The following ADAMTSL3 variants were observed in gnomAD, a reference collection of about 807,000 sequenced individuals.
The protein encoded by ADAMTSL3 is ADAMTS like 3, also known as ADAMTS-like protein 3.
A neutral mutation model predicts 201.7 loss-of-function variants in ADAMTSL3; 128 were observed. That is an observed-to-expected ratio of 0.63 (90% CI 0.55 to 0.73). The LOEUF (loss-of-function observed/expected upper bound fraction) is 0.73, where lower values mean the gene tolerates loss of function less well. ADAMTSL3 is among the 30% of genes least tolerant of loss of function. The probability of loss-of-function intolerance (pLI) is 0.00; values close to 1 mark genes in which losing one functional copy is unlikely to be tolerated. For synonymous variants in ADAMTSL3, 738 were observed against 748.4 expected, an observed-to-expected ratio of 0.99 and a Z score of 0.23; for missense variants, 1,990 against 2,119.6, an observed-to-expected ratio of 0.94 and a Z score of 1.20.
At chr15:83,969,385 A>C (rs561318895) in intron 19 of ADAMTSL3, among the ~76,000 whole-genome samples, 1 of 152,342 alleles carries the variant, frequency 6.6e-6, no homozygotes, top group South Asian at 2.1e-4. Context: ...CAGAGATTCC[A>C]GTGAGCTGAG....
intron 2 of ADAMTSL3, among the ~76,000 whole-genome samples, chr15:83,663,162 G>A (rs1181461628): frequency 6.6e-6 from 1 of 152,134 alleles, no homozygotes; most frequent in African/African-American, 2.4e-5. Context: ...CTTCAATGCT[G>A]CCTCCTCTCT....
chr15:83,782,002 A>G (rs2063177454), intron 4 of ADAMTSL3, among the ~76,000 whole-genome samples: 1 of 152,200 alleles, frequency 6.6e-6, no homozygotes, highest in African/African-American at 2.4e-5. Context: ...TTTGTGGAAG[A>G]CAGTGTAGTG....
Position 83,983,224 on chromosome 15 carries a change from GA to G in ADAMTSL3, c.3599del (p.Asn1200IlefsTer39), listed in dbSNP as rs1267026816. Reference sequence around the variant, plus strand: ...AATAAAACAATAAATTCCAGGATTGGAAATACAGTATACATTACAAAAAGGA... The same window carrying G: ...AATAAAACAATAAATTCCAGGATTGGAATACAGTATACATTACAAAAAGGA... ...SFNKTINSRI[G>X]NTVYITKRTE... On this transcript the variant is annotated frameshift_variant, in exon 21 of 30. Coordinates refer to ENST00000286744, the MANE Select transcript of ADAMTSL3 (RefSeq NM_207517.3). LOFTEE classifies it high-confidence loss of function. 1 of 1,614,000 alleles carries G rather than the reference GA, an allele frequency of 6.2e-7. No homozygotes were observed. Among genetic ancestry groups the G allele is most frequent in the East Asian group, 2.2e-5 (1 of 44,888 alleles).
intron 23 of ADAMTSL3, among the ~76,000 whole-genome samples, chr15:84,011,388 A>T (rs2068003427): frequency 6.6e-6 from 1 of 152,232 alleles, no homozygotes; most frequent in Non-Finnish European, 1.5e-5. Context: ...GTCTTAGACC[A>T]CTGGGGCTGC....
At chr15:83,669,248 C>A (rs983597445) in intron 2 of ADAMTSL3, among the ~76,000 whole-genome samples, 1 of 152,070 alleles carries the variant, frequency 6.6e-6, no homozygotes, top group African/African-American at 2.4e-5. Flanking sequence ...TGGGTTCAAG[C>A]GATTCTCCTG....
At chr15:83,948,839 C>T (rs2066707154) in intron 19 of ADAMTSL3, among the ~76,000 whole-genome samples, 1 of 151,872 alleles carries the variant, frequency 6.6e-6, no homozygotes, top group South Asian at 2.1e-4. Flanking sequence ...AATCACTAGG[C>T]AGATAACAAT....
intron 7 of ADAMTSL3, among the ~76,000 whole-genome samples, chr15:83,858,199 G>A (rs1210687416): frequency 6.6e-6 from 1 of 152,186 alleles, no homozygotes; most frequent in South Asian, 2.1e-4. Flanking sequence ...TTTGGCCCAG[G>A]GGCCACAGTT....
At chr15:84,013,331 A>G (rs1462427986) in intron 23 of ADAMTSL3, among the ~76,000 whole-genome samples, 3 of 152,244 alleles carry the variant, frequency 2.0e-5, no homozygotes, top group South Asian at 2.1e-4. Context: ...CATTTTGCCT[A>G]CTGTAAGGTG....
chr15:83,921,486 T>C (rs2066141990), intron 16 of ADAMTSL3, among the ~76,000 whole-genome samples: 1 of 152,162 alleles, frequency 6.6e-6, no homozygotes, highest in Non-Finnish European at 1.5e-5. Flanking sequence ...TTAAAAAATC[T>C]CTCCTGGTAT....
intron 10 of ADAMTSL3, 110 bp downstream of exon 10, chr15:83,885,322 A>G (rs889920004): frequency 3.7e-6 from 3 of 806,296 alleles, no homozygotes; most frequent in Non-Finnish European, 6.2e-6. Flanking sequence ...GAGATGTCTC[A>G]TCACACAGCA....
intron 9 of ADAMTSL3, among the ~76,000 whole-genome samples, chr15:83,875,405 G>A (rs990342546): frequency 6.6e-6 from 1 of 152,306 alleles, no homozygotes; most frequent in East Asian, 1.9e-4. Context: ...GGGGCTGTTG[G>A]CCAGTGACAC....
chr15:84,036,764 T>C lies in ADAMTSL3; in HGVS notation c.4755-9T>C. 1 of 1,589,094 alleles carries C rather than the reference T, an allele frequency of 6.3e-7. No homozygotes were observed. The highest frequency in any genetic ancestry group is 1.9e-5 in the Admixed American group (1 of 54,046). On this transcript the variant is annotated splice_polypyrimidine_tract_variant and intron_variant, in intron 28 of 29. Coordinates refer to ENST00000286744, the MANE Select transcript of ADAMTSL3 (RefSeq NM_207517.3). ...TTGTTTTTCCGTTTTGTTTTATTTT[T>C]CACTTCAGACCCACCTTAAGAAGGA...
chr15:83,719,501 C>T (rs1304658057), intron 3 of ADAMTSL3, among the ~76,000 whole-genome samples: 1 of 152,164 alleles, frequency 6.6e-6, no homozygotes, highest in African/African-American at 2.4e-5. Flanking sequence ...ATTTTGTTGT[C>T]AACTCCTAAT....
intron 22 of ADAMTSL3, among the ~76,000 whole-genome samples, 188 bp downstream of exon 22, chr15:83,989,006 C>T (rs1484333389): frequency 4.6e-5 from 7 of 151,714 alleles, no homozygotes; most frequent in South Asian, 2.1e-4. Flanking sequence ...CTCAGCCTCC[C>T]GAGTAGCTGG....
At chr15:83,844,240 A>G (rs2064447481) in intron 7 of ADAMTSL3, among the ~76,000 whole-genome samples, 1 of 152,222 alleles carries the variant, frequency 6.6e-6, no homozygotes, top group Non-Finnish European at 1.5e-5. Context: ...TTTTGGCAGT[A>G]TGAAGATAAA....
At chr15:83,725,725 C>T (rs1040402623) in intron 3 of ADAMTSL3, among the ~76,000 whole-genome samples, 2 of 152,022 alleles carry the variant, frequency 1.3e-5, no homozygotes, top group Non-Finnish European at 2.9e-5. Context: ...GCATTTATAT[C>T]TGGGTTCTCT....
chr15:83,893,127 C>T lies in ADAMTSL3; in HGVS notation c.1467+239C>T, dbSNP rs899927. Among the ~76,000 whole-genome samples the T allele has an allele frequency of 0.47, 70,945 of 151,864 alleles. 19,068 individuals carry two copies. Among genetic ancestry groups the T allele is most frequent in the African/African-American group, 0.72 (29,734 of 41,406 alleles). ...TAATAATAATATTTCCATACAATTACCAGCGTAATTAATATTAAGTACTGT... is the reference window on the plus strand; with the variant it reads ...TAATAATAATATTTCCATACAATTATCAGCGTAATTAATATTAAGTACTGT... On this transcript the variant is annotated intron_variant, in intron 13 of 29. Coordinates refer to ENST00000286744, the MANE Select transcript of ADAMTSL3 (RefSeq NM_207517.3).
chr15:84,031,584 G>GTA, intron 28 of ADAMTSL3, 152 bp downstream of exon 28: 1 of 648,794 alleles, frequency 1.5e-6, no homozygotes, highest in South Asian at 1.9e-5. Flanking sequence ...ATCTTCAATA[G>GTA]TATATATTAT....
At chr15:83,714,663 T>TCCTC (rs552621265) in intron 3 of ADAMTSL3, among the ~76,000 whole-genome samples, 18 of 148,330 alleles carry the variant, frequency 1.2e-4, no homozygotes, top group East Asian at 9.9e-4. Flanking sequence ...CTCTCTCCCT[T>TCCTC]CCTCCCTCCC....
Sources: gnomAD v4.1 joint callset for allele counts (sites outside exome capture counted in the v4.1 genomes callset) on GRCh38, gnomAD v4.1.1 for gene constraint, MANE v1.5 for transcripts, NCBI Gene and HGNC (gene_info 2026-07-23, HGNC 2026-07-21) for gene names.